GRK2: variants seen among roughly 807,000 people sequenced by gnomAD.
GRK2 encodes the protein G protein-coupled receptor kinase 2.
A neutral mutation model predicts 97.8 loss-of-function variants in GRK2; 23 were observed. The observed-to-expected ratio is 0.24, with a 90% confidence interval of 0.17 to 0.33. The LOEUF (loss-of-function observed/expected upper bound fraction) is 0.33, where lower values mean the gene tolerates loss of function less well. Ranked by LOEUF, GRK2 falls within the 10% of genes least tolerant of loss-of-function variation. GRK2 has a pLI of 1.00. For missense variants in GRK2, 633 were observed against 956.9 expected (o/e 0.66, Z 4.47); for synonymous variants, 425 against 381.7 (o/e 1.11, Z -1.32).
chr11:67,285,569 C>G lies in GRK2; in HGVS notation c.*119C>G. ...TATTGTGATTTCCCGTGGCCCCAGCCTGGCCCAGCTCCCCCGGGAGGGGCC... is the reference window on the plus strand; with the variant it reads ...TATTGTGATTTCCCGTGGCCCCAGCGTGGCCCAGCTCCCCCGGGAGGGGCC... On this transcript the variant is annotated 3_prime_UTR_variant, in exon 21 of 21. Coordinates refer to ENST00000308595, the MANE Select transcript of GRK2 (RefSeq NM_001619.5). The G allele has an allele frequency of 3.9e-6, 5 of 1,293,742 alleles. No individual in the cohort carries two copies. Among genetic ancestry groups the G allele is most frequent in the Non-Finnish European group, 5.1e-6 (5 of 980,044 alleles). The allele number at this position is 1,293,742 out of a possible 1,614,324, so 80.1% of individuals were successfully genotyped here.
rs1167641868 is a variant in GRK2, at chr11:67,276,108, A to C, written c.114-1164A>C. 1.3e-5 allele frequency among the ~76,000 whole-genome samples: 2 copies of C among 152,220 alleles called. No homozygotes were observed. Among genetic ancestry groups the C allele is most frequent in the African/African-American group, 4.8e-5 (2 of 41,452 alleles). On this transcript the variant is annotated intron_variant, in intron 1 of 20. Transcript: ENST00000308595. The surrounding 1 kb of genome is among the most constrained non-coding windows in gnomAD (Gnocchi z 4.2). ...GGACTTGCGGATCCAAATCTCCACC[A>C]GCTGCAGTCATTTCACGGGAGGCCT...
Position 67,282,647 on chromosome 11 carries a change from T to A in GRK2, c.1160+105T>A. The A allele has an allele frequency of 6.4e-7, 1 of 1,554,420 alleles. No homozygotes were observed. The highest frequency in any genetic ancestry group is 8.8e-7 in the Non-Finnish European group (1 of 1,134,196). On this transcript the variant is annotated intron_variant, in intron 13 of 20. Coordinates refer to ENST00000308595, the MANE Select transcript of GRK2 (RefSeq NM_001619.5). This position sits in a 1 kb window ranked among gnomAD's most constrained non-coding sequence, Gnocchi z 6.9. ...GGGGAGCCCATAGCTGCCTTGGTGG[T>A]AGGGTTGGCACCGTCCCTGACTTTG...
At chr11:67,271,981 G>A (rs1429126760) in intron 1 of GRK2, among the ~76,000 whole-genome samples, 1 of 152,222 alleles carries the variant, frequency 6.6e-6, no homozygotes, top group Admixed American at 6.5e-5. Context: ...TCTCCCAGGG[G>A]ACGGTTCCCA....
chr11:67,284,104 T>C, intron 17 of GRK2, 107 bp from the exon 18 acceptor site: 2 of 1,505,220 alleles, frequency 1.3e-6, no homozygotes, highest in Non-Finnish European at 1.8e-6. Flanking sequence ...GGGTGGCAGT[T>C]GCACTGACCA....
In GRK2 at chr11:67,284,331, G is replaced by T. The variant is rs1860224411; in HGVS notation, c.1612G>T (p.Ala538Ser). 1.2e-6 allele frequency: 2 copies of T among 1,613,088 alleles called. No homozygotes were observed. The highest frequency in any genetic ancestry group is 2.7e-5 in the African/African-American group (2 of 75,050). ...TINAETDRLEARKKAKNKQLG... is the reference protein window; with the variant it reads ...TINAETDRLESRKKAKNKQLG... ...CAACGCTGAGACAGACCGGCTGGAG[G>T]CTCGCAAGAAAGCCAAGAACAAGCA... The change falls in exon 18 of 21, where the codon GCT (alanine) becomes TCT (serine). Residue 538 changes from alanine (A) to serine (S), a missense_variant. By Grantham distance (99) the Ala-to-Ser change is moderately conservative. Around this residue, in one of 4 missense-constraint regions of GRK2, gnomAD observed 180 missense variants for 311.3 expected, o/e 0.58. Transcript: ENST00000308595.
intron 1 of GRK2, among the ~76,000 whole-genome samples, chr11:67,273,809 C>G (rs1327431867): frequency 6.6e-6 from 1 of 152,104 alleles, no homozygotes; most frequent in Non-Finnish European, 1.5e-5. Flanking sequence ...AGCCCCGGGT[C>G]CTGCTTCCTG....
intron 1 of GRK2, among the ~76,000 whole-genome samples, chr11:67,268,315 G>T (rs1258272778): frequency 1.3e-5 from 2 of 152,212 alleles, no homozygotes; most frequent in Non-Finnish European, 2.9e-5. Context: ...GTCAGGCCTG[G>T]GAGAGGAAAA....
At chr11:67,277,228 C>T (rs575079550) in intron 1 of GRK2, 44 bp from the exon 2 acceptor site, 15 of 1,586,952 alleles carry the variant, frequency 9.5e-6, no homozygotes, top group East Asian at 6.7e-5. Context: ...GCAGCCCCCA[C>T]GGGCTCTGGG....
intron 7 of GRK2, 64 bp downstream of exon 7, chr11:67,280,847 G>A: frequency 6.3e-7 from 1 of 1,582,694 alleles, no homozygotes; most frequent in Non-Finnish European, 8.7e-7. Flanking sequence ...CGGGAGCTGG[G>A]CCTGTGGCTT....
chr11:67,273,480 AC>A (rs1047760343), intron 1 of GRK2, among the ~76,000 whole-genome samples: 6 of 152,180 alleles, frequency 3.9e-5, no homozygotes, highest in Non-Finnish European at 8.8e-5. Flanking sequence ...AGGCTGTCCC[AC>A]CCCTGTGCTC....
chr11:67,268,542 A>C (rs1401034705), intron 1 of GRK2, among the ~76,000 whole-genome samples: 1 of 152,158 alleles, frequency 6.6e-6, no homozygotes, highest in South Asian at 2.1e-4. Flanking sequence ...TGGTGGCTGC[A>C]GCCTCGAGAC....
chr11:67,286,072 G>A lies in GRK2; in HGVS notation c.*622G>A. The stretch of plus-strand genomic sequence containing the variant: ...GGCTGAGAGAGTGGCATTGGCAGCA[G>A]GTGCTGCTACCCTCCCTGCTGTCCC... On this transcript the variant is annotated 3_prime_UTR_variant, in exon 21 of 21. Coordinates refer to ENST00000308595, the MANE Select transcript of GRK2 (RefSeq NM_001619.5). 3.0e-6 allele frequency: 1 copy of A among 328,048 alleles called. No homozygotes were observed. Among genetic ancestry groups the A allele is most frequent in the South Asian group, 4.5e-5 (1 of 22,092 alleles). 20.3% of individuals were successfully genotyped at this position (328,048 alleles called of 1,614,324 possible).
At position 67,281,633 on chromosome 11, in the gene GRK2, C is replaced by T. The variant is rs1565067314; in HGVS notation, c.748-17C>T. Reference sequence around the variant, plus strand: ...CCCTGCTAACTGCCCGCCCCCTCCCCTCCTCTCCCCTCCTAGGACTGCCCA... The same window carrying T: ...CCCTGCTAACTGCCCGCCCCCTCCCTTCCTCTCCCCTCCTAGGACTGCCCA... On this transcript the variant is annotated splice_polypyrimidine_tract_variant and intron_variant, in intron 9 of 20. Coordinates refer to ENST00000308595, the MANE Select transcript of GRK2 (RefSeq NM_001619.5). The surrounding 1 kb of genome is among the most constrained non-coding windows in gnomAD (Gnocchi z 5.7). 1 of 1,605,616 alleles carries T rather than the reference C, an allele frequency of 6.2e-7. No individual in the cohort carries two copies. Among genetic ancestry groups the T allele is most frequent in the South Asian group, 1.1e-5 (1 of 90,932 alleles).
In GRK2 at chr11:67,281,642, C is replaced by G. The variant is rs763209958; in HGVS notation, c.748-8C>G. The stretch of plus-strand genomic sequence containing the variant: ...CTGCCCGCCCCCTCCCCTCCTCTCC[C>G]CTCCTAGGACTGCCCATTCATTGTC... On this transcript the variant is annotated splice_polypyrimidine_tract_variant and splice_region_variant and intron_variant, in intron 9 of 20. Coordinates refer to ENST00000308595, the MANE Select transcript of GRK2 (RefSeq NM_001619.5). The surrounding 1 kb of genome is among the most constrained non-coding windows in gnomAD (Gnocchi z 5.7). 1 of 1,611,744 alleles carries G rather than the reference C, an allele frequency of 6.2e-7. No homozygotes were observed. The highest frequency in any genetic ancestry group is 8.5e-7 in the Non-Finnish European group (1 of 1,178,506).
At position 67,282,532 on chromosome 11, in the gene GRK2, T is replaced by C; in HGVS notation, c.1150T>C (p.Leu384=). Residue 384 remains leucine (L), a synonymous_variant, in exon 13 of 21, where the codon TTG becomes CTG. Coordinates refer to ENST00000308595, the MANE Select transcript of GRK2 (RefSeq NM_001619.5). This position sits in a 1 kb window ranked among gnomAD's most constrained non-coding sequence, Gnocchi z 6.9. ...CTCTCTGGGGTGCATGCTCTTCAAG[T>C]TGCTGCGGGGGTGAGTGGCCCATCC... is the stretch of plus-strand genomic sequence containing the variant. ...WFSLGCMLFK[L]LRGHSPFRQH... 3 of 1,613,546 alleles carry C rather than the reference T, an allele frequency of 1.9e-6. No individual in the cohort carries two copies. Among genetic ancestry groups the C allele is most frequent in the Non-Finnish European group, 2.5e-6 (3 of 1,179,936 alleles).
chr11:67,284,702 T>A lies in GRK2; in HGVS notation c.1655-145T>A, dbSNP rs574947228. 2.0e-4 allele frequency: 217 copies of A among 1,106,374 alleles called. 3 individuals carry two copies. Among genetic ancestry groups the A allele is most frequent in the Non-Finnish European group, 2.7e-5 (21 of 788,552 alleles). The allele number at this position is 1,106,374 out of a possible 1,614,324, so 68.5% of individuals were successfully genotyped here. A position where few individuals can be genotyped will look rare whatever the true frequency, so the allele number is the denominator to read the frequency against. ...TACCCGGGAGGCTGAGGCGGGAGGA[T>A]CGTTTGAACCTGGGAGGTGGAGGTT... is the stretch of plus-strand genomic sequence containing the variant. On this transcript the variant is annotated intron_variant, in intron 18 of 20. Transcript: ENST00000308595.
chr11:67,273,454 G>A (rs1479991833), intron 1 of GRK2, among the ~76,000 whole-genome samples: 1 of 152,222 alleles, frequency 6.6e-6, no homozygotes, highest in East Asian at 1.9e-4. Flanking sequence ...TTGGAGACAA[G>A]GTGACCCAGT....
At position 67,286,315 on chromosome 11, in the gene GRK2, C is replaced by T. The variant is rs961322068; in HGVS notation, c.*865C>T. On this transcript the variant is annotated 3_prime_UTR_variant, in exon 21 of 21. Coordinates refer to ENST00000308595, the MANE Select transcript of GRK2 (RefSeq NM_001619.5). Reference sequence around the variant, plus strand: ...CCCATCCTGGCCCATCAGTGTACCCCCGCCCAGGCTGGCCAGCCCCACAGC... The same window carrying T: ...CCCATCCTGGCCCATCAGTGTACCCTCGCCCAGGCTGGCCAGCCCCACAGC... 3.0e-6 allele frequency: 2 copies of T among 674,782 alleles called. No individual in the cohort carries two copies. The highest frequency in any genetic ancestry group is 5.3e-6 in the Non-Finnish European group (2 of 375,326). The allele number at this position is 674,782 out of a possible 1,614,324, so 41.8% of individuals were successfully genotyped here.
intron 15 of GRK2, 75 bp from the exon 16 acceptor site, chr11:67,283,632 G>A (rs1169351174): frequency 6.8e-7 from 1 of 1,471,060 alleles, no homozygotes; most frequent in African/African-American, 1.4e-5. Flanking sequence ...CACAGAGCCA[G>A]AAAGTGGCTC....
Sources: gnomAD v4.1 joint callset for allele counts (sites outside exome capture counted in the v4.1 genomes callset) on GRCh38, gnomAD v4.1.1 for gene constraint, gnomAD v4.1.1 regional missense constraint, Gnocchi (gnomAD v3.1) non-coding constraint, MANE v1.5 for transcripts, NCBI Gene and HGNC (gene_info 2026-07-23, HGNC 2026-07-21) for gene names.